Variants in METRNL observed in about 807,000 individuals in gnomAD.
METRNL encodes the protein meteorin-like protein.
Under a neutral mutation model 17.4 loss-of-function variants are expected in METRNL, and 9 were observed. The ratio of observed to expected loss-of-function variants is 0.52; its 90% confidence interval spans 0.31 to 0.90. The LOEUF is 0.90. Ranked by LOEUF, METRNL falls within the 40% of genes least tolerant of loss-of-function variation. The pLI, the probability that METRNL is intolerant of heterozygous loss-of-function variation, is 0.05. For synonymous variants in METRNL, 215 were observed against 199.3 expected (o/e 1.08, Z -0.66); for missense variants, 408 against 430.7 (o/e 0.95, Z 0.47).
rs777441369 is a variant in METRNL, at chr17:83,085,083, G to A, written c.316G>A (p.Val106Met). 46 of 1,613,828 alleles carry A rather than the reference G, an allele frequency of 2.9e-5. No homozygotes were observed. Among genetic ancestry groups the A allele is most frequent in the Middle Eastern group, 1.6e-4 (1 of 6,084 alleles). The change falls in exon 2 of 4, where the codon GTG becomes ATG. Residue 106 changes from valine to methionine, a missense_variant. By Grantham distance (21) the Val-to-Met change is conservative. Transcript: ENST00000320095. ...CTTCTCGCCTGCCCGGCACCTGACC[G>A]TGTGCATCAGGTCCTTCACGGACTC... ...NTFSPARHLT[V>M]CIRSFTDSSG...
chr17:83,094,176 CG>C (rs2038173406), intron 3 of METRNL, 79 bp from the exon 4 acceptor site: 4 of 1,220,620 alleles, frequency 3.3e-6, no homozygotes, highest in South Asian at 1.6e-5. Flanking sequence ...CCCATCGATG[CG>C]GGGGCAGGGG....
At chr17:83,089,217 C>T (rs1037691429) in intron 2 of METRNL, among the ~76,000 whole-genome samples, 3 of 151,998 alleles carry the variant, frequency 2.0e-5, no homozygotes, top group Non-Finnish European at 2.9e-5. Flanking sequence ...TGGAGCCCAC[C>T]CTCCACCCCT....
At chr17:83,081,311 C>A (rs2037985131) in intron 1 of METRNL, among the ~76,000 whole-genome samples, 1 of 152,156 alleles carries the variant, frequency 6.6e-6, no homozygotes, top group South Asian at 2.1e-4. Flanking sequence ...TCGGTGCATC[C>A]CCGAACCGAG....
chr17:83,080,053 C>G (rs1437903524), intron 1 of METRNL, 68 bp downstream of exon 1: 3 of 955,156 alleles, frequency 3.1e-6, no homozygotes, highest in Non-Finnish European at 3.7e-6. Flanking sequence ...CCGGGCCGGC[C>G]GAGCGTGCGG....
At position 83,094,513 on chromosome 17, in the gene METRNL, C is replaced by G; in HGVS notation, c.874C>G (p.Gln292Glu). The G allele has an allele frequency of 1.3e-6, 2 of 1,554,460 alleles. No homozygotes were observed. The highest frequency in any genetic ancestry group is 1.7e-6 in the Non-Finnish European group (2 of 1,143,012). The change falls in exon 4 of 4, where the codon CAG becomes GAG. Residue 292 changes from glutamine to glutamate, a missense_variant. Transcript: ENST00000320095. The part of the protein sequence containing the change: ...LGCAPRFKDF[Q>E]RMYRDAQERG... ...CTGTGCCCCACGCTTCAAGGACTTC[C>G]AGAGGATGTACAGGGATGCCCAGGA...
intron 2 of METRNL, among the ~76,000 whole-genome samples, chr17:83,087,472 G>A (rs1028483366): frequency 2.0e-5 from 3 of 152,194 alleles, no homozygotes; most frequent in Admixed American, 2.0e-4. Context: ...CCTCACGAGA[G>A]GCCTCTCCTA....
chr17:83,082,900 G>C (rs2038006179), intron 1 of METRNL, among the ~76,000 whole-genome samples: 1 of 152,238 alleles, frequency 6.6e-6, no homozygotes, highest in Non-Finnish European at 1.5e-5. Flanking sequence ...CCCTACGTCA[G>C]CGGGTCTGGT....
chr17:83,083,037 C>G (rs1439522161), intron 1 of METRNL, among the ~76,000 whole-genome samples: 1 of 152,226 alleles, frequency 6.6e-6, no homozygotes, highest in Non-Finnish European at 1.5e-5. Flanking sequence ...AGCCGGGTGT[C>G]TTCTTTCTTC....
In METRNL at chr17:83,093,649, G is replaced by C. The variant is rs143196719; in HGVS notation, c.616+423G>C. On this transcript the variant is annotated intron_variant, in intron 3 of 3. Coordinates refer to ENST00000320095, the MANE Select transcript of METRNL (RefSeq NM_001004431.3). ...CGCTGTTCCAGGCCTGAGGCCCCCGGCGGCTCTGCGGCTCTGCAGGAGGAG... is the reference window on the plus strand; with the variant it reads ...CGCTGTTCCAGGCCTGAGGCCCCCGCCGGCTCTGCGGCTCTGCAGGAGGAG... 5.8e-3 allele frequency among the ~76,000 whole-genome samples: 883 copies of C among 152,296 alleles called. 2 individuals are homozygous for C. Among genetic ancestry groups the C allele is most frequent in the African/African-American group, 0.016 (668 of 41,550 alleles).
At chr17:83,082,351 A>T in intron 1 of METRNL, 1 of 661,716 alleles carries the variant, frequency 1.5e-6, no homozygotes, top group African/African-American at 2.0e-5. Flanking sequence ...TGCCTCAACA[A>T]CCCTCCAGTG....
At chr17:83,085,798 C>T (rs1223514825) in intron 2 of METRNL, among the ~76,000 whole-genome samples, 1 of 152,192 alleles carries the variant, frequency 6.6e-6, no homozygotes, top group Non-Finnish European at 1.5e-5. Context: ...GAAACGGGTG[C>T]TTTTGCCATT....
At position 83,079,780 on chromosome 17, in the gene METRNL, G is replaced by T; in HGVS notation, c.-36G>T. 2.1e-6 allele frequency: 2 copies of T among 967,498 alleles called. No individual in the cohort carries two copies. Among genetic ancestry groups the T allele is most frequent in the Non-Finnish European group, 2.4e-6 (2 of 817,654 alleles). The allele number at this position is 967,498 out of a possible 1,614,324, so 59.9% of individuals were successfully genotyped here. A position where few individuals can be genotyped will look rare whatever the true frequency, so the allele number is the denominator to read the frequency against. On this transcript the variant is annotated 5_prime_UTR_variant, in exon 1 of 4. Coordinates refer to ENST00000320095, the MANE Select transcript of METRNL (RefSeq NM_001004431.3). ...CTCCGGGGTCTGCTCCGGGGGTCGCGGACGCGGGGCCGGGCGGCGGAGCCG... is the reference window on the plus strand; with the variant it reads ...CTCCGGGGTCTGCTCCGGGGGTCGCTGACGCGGGGCCGGGCGGCGGAGCCG...
chr17:83,094,526 G>C lies in METRNL; in HGVS notation c.887G>C (p.Arg296Thr), dbSNP rs1334972040. 6.5e-6 allele frequency: 10 copies of C among 1,534,750 alleles called. No individual in the cohort carries two copies. The highest frequency in any genetic ancestry group is 8.8e-6 in the Non-Finnish European group (10 of 1,134,334). Residue 296 changes from arginine to threonine, a missense_variant, in exon 4 of 4, where the codon AGG (arginine) becomes ACG (threonine). Physicochemically the swap from Arg to Thr is moderately conservative, Grantham distance 71. Transcript: ENST00000320095. ...PRFKDFQRMYRDAQERGLNPC... is the reference protein window; with the variant it reads ...PRFKDFQRMYTDAQERGLNPC... ...TTCAAGGACTTCCAGAGGATGTACA[G>C]GGATGCCCAGGAGAGGGGGCTGAAC...
At chr17:83,081,689 C>T (rs1286787327) in intron 1 of METRNL, among the ~76,000 whole-genome samples, 1 of 152,182 alleles carries the variant, frequency 6.6e-6, no homozygotes, top group African/African-American at 2.4e-5. Context: ...CAGGGGACCC[C>T]CCCCAACACA....
intron 2 of METRNL, among the ~76,000 whole-genome samples, chr17:83,092,948 G>C (rs759037204): frequency 6.6e-6 from 1 of 152,152 alleles, no homozygotes; most frequent in Non-Finnish European, 1.5e-5. Flanking sequence ...GTGAGACCCC[G>C]TCGTGGTCGA....
intron 1 of METRNL, among the ~76,000 whole-genome samples, chr17:83,081,207 G>A (rs1188191871): frequency 6.6e-6 from 1 of 151,972 alleles, no homozygotes; most frequent in African/African-American, 2.4e-5. Context: ...CGGGAACGCC[G>A]GCGCCGGGAG....
At position 83,094,285 on chromosome 17, in the gene METRNL, C is replaced by A; in HGVS notation, c.646C>A (p.His216Asn). Residue 216 changes from histidine to asparagine, a missense_variant, in exon 4 of 4, where the codon CAC (histidine) becomes AAC (asparagine). His to Asn is a moderately conservative substitution (Grantham distance 68). Coordinates refer to ENST00000320095, the MANE Select transcript of METRNL (RefSeq NM_001004431.3). Reference protein sequence around the residue: ...AVRGSIQQVTHEPERQDSAIH... With the variant: ...AVRGSIQQVTNEPERQDSAIH... ...TCGAGGCTCCATCCAGCAAGTTACCCACGAGCCTGAGCGGCAGGACTCAGC... is the reference window on the plus strand; with the variant it reads ...TCGAGGCTCCATCCAGCAAGTTACCAACGAGCCTGAGCGGCAGGACTCAGC... 1 of 1,584,620 alleles carries A rather than the reference C, an allele frequency of 6.3e-7. No individual in the cohort carries two copies. Among genetic ancestry groups the A allele is most frequent in the Non-Finnish European group, 8.6e-7 (1 of 1,158,394 alleles).
At chr17:83,081,544 A>G (rs2037988806) in intron 1 of METRNL, among the ~76,000 whole-genome samples, 1 of 152,138 alleles carries the variant, frequency 6.6e-6, no homozygotes, top group Non-Finnish European at 1.5e-5. Flanking sequence ...TCCTCCAGGC[A>G]GGTGACAGCA....
intron 2 of METRNL, among the ~76,000 whole-genome samples, chr17:83,091,118 C>T (rs1057210197): frequency 1.3e-5 from 2 of 152,158 alleles, no homozygotes; most frequent in Non-Finnish European, 2.9e-5. Context: ...CAGAAGCTCC[C>T]ATTCTGGAGG....
Sources: gnomAD v4.1 joint callset for allele counts (sites outside exome capture counted in the v4.1 genomes callset) on GRCh38, gnomAD v4.1.1 for gene constraint, MANE v1.5 for transcripts, NCBI Gene and HGNC (gene_info 2026-07-23, HGNC 2026-07-21) for gene names.